Variants in HNF4G observed in about 807,000 individuals in gnomAD.
HNF4G encodes the protein hepatocyte nuclear factor 4-gamma.
HNF4G carries 21 observed loss-of-function variants against 50.9 expected under a neutral mutation model. The ratio of observed to expected loss-of-function variants is 0.41; its 90% CI spans 0.29 to 0.59. HNF4G has a LOEUF of 0.59. HNF4G is among the 20% of genes least tolerant of loss of function. The pLI, the probability that HNF4G is intolerant of heterozygous loss-of-function variation, is 0.26. For synonymous variants in HNF4G, 198 were observed against 185.6 expected, an observed-to-expected ratio of 1.07 and a Z score of -0.54; for missense variants, 527 against 559.4, an observed-to-expected ratio of 0.94 and a Z score of 0.58.
intron 2 of HNF4G, among the ~76,000 whole-genome samples, chr8:75,494,013 G>A (rs868559655): frequency 3.3e-5 from 5 of 152,062 alleles, no homozygotes; most frequent in Admixed American, 1.3e-4. Context: ...TCTCTGAGCA[G>A]CATTGTATTG....
At chr8:75,447,648 A>T (rs1003051848) in intron 1 of HNF4G, among the ~76,000 whole-genome samples, 37 of 152,202 alleles carry the variant, frequency 2.4e-4, no homozygotes, top group African/African-American at 8.7e-4. Context: ...TTCTCAAAAG[A>T]ATACATTTAT....
intron 2 of HNF4G, among the ~76,000 whole-genome samples, chr8:75,500,308 A>G (rs529685703): frequency 2.0e-4 from 31 of 152,292 alleles, no homozygotes; most frequent in African/African-American, 7.5e-4. Context: ...ATGCAATTTA[A>G]AACAATGAGA....
intron 3 of HNF4G, among the ~76,000 whole-genome samples, chr8:75,551,077 T>C (rs1358245541): frequency 1.3e-5 from 2 of 152,182 alleles, no homozygotes; most frequent in African/African-American, 2.4e-5. Flanking sequence ...AGTTATCTTA[T>C]AGTTTTATTA....
chr8:75,414,996 T>G (rs1810598557), intron 1 of HNF4G, among the ~76,000 whole-genome samples: 2 of 152,244 alleles, frequency 1.3e-5, no homozygotes, highest in Non-Finnish European at 2.9e-5. Flanking sequence ...CCAGTAGGGC[T>G]TGAGAGTTTC....
intron 1 of HNF4G, among the ~76,000 whole-genome samples, chr8:75,483,810 A>T (rs1249125708): frequency 2.0e-5 from 3 of 152,204 alleles, no homozygotes; most frequent in African/African-American, 7.2e-5. Flanking sequence ...GGATTAGACA[A>T]GGTGATACCT....
intron 1 of HNF4G, among the ~76,000 whole-genome samples, chr8:75,450,542 A>C (rs1295595025): frequency 2.6e-5 from 4 of 152,222 alleles, no homozygotes; most frequent in Admixed American, 6.5e-5. Context: ...ATACTAATTT[A>C]CATTCTCACC....
At chr8:75,563,898 T>C in intron 9 of HNF4G, 77 bp from the exon 10 acceptor site, 1 of 1,485,422 alleles carries the variant, frequency 6.7e-7, no homozygotes, top group Non-Finnish European at 9.2e-7. Context: ...CTAATGTGTA[T>C]TGGTGTTATG....
In HNF4G at chr8:75,560,382, C is replaced by T. The variant is rs1249966527; in HGVS notation, c.1162C>T (p.His388Tyr). 4 of 1,613,162 alleles carry T rather than the reference C, an allele frequency of 2.5e-6. No individual in the cohort carries two copies. Among genetic ancestry groups the T allele is most frequent in the Non-Finnish European group, 3.4e-6 (4 of 1,179,242 alleles). Residue 388 changes from histidine (H) to tyrosine (Y), a missense_variant, in exon 9 of 10, where the codon CAT (histidine) becomes TAT (tyrosine). Physicochemically the swap from His to Tyr is moderately conservative, Grantham distance 83 (BLOSUM62 2). Around this residue, in one of 5 missense-constraint regions of HNF4G, gnomAD observed 308 missense variants for 301.5 expected, o/e 1.02. Transcript: ENST00000396423. ...NDGSHLHHPM[H>Y]PHLSQDPLTG... ...TGGCAGTCATCTCCATCATCCAATG[C>T]ATCCACATTTGTCTCAAGACCCATT...
chr8:75,435,487 T>A (rs548067866), intron 1 of HNF4G, among the ~76,000 whole-genome samples: 32 of 152,226 alleles, frequency 2.1e-4, no homozygotes, highest in Admixed American at 3.3e-4. Context: ...AGTAAATCAA[T>A]GATGCCTGTT....
intron 1 of HNF4G, among the ~76,000 whole-genome samples, chr8:75,427,358 A>G (rs1007410606): frequency 2.6e-5 from 4 of 152,146 alleles, no homozygotes; most frequent in African/African-American, 9.7e-5. Flanking sequence ...CGGGTGGATC[A>G]CTTGAGGTCA....
At chr8:75,508,514 G>T (rs1423055496) in intron 2 of HNF4G, among the ~76,000 whole-genome samples, 2 of 151,964 alleles carry the variant, frequency 1.3e-5, no homozygotes, top group Non-Finnish European at 2.9e-5. Flanking sequence ...AACTTTCTAG[G>T]TTTAAAATTA....
At chr8:75,563,888 C>A in intron 9 of HNF4G, 87 bp from the exon 10 acceptor site, 1 of 1,402,996 alleles carries the variant, frequency 7.1e-7, no homozygotes. Flanking sequence ...CCAAATTACG[C>A]TAATGTGTAT....
At chr8:75,485,318 C>G (rs1028158093) in intron 1 of HNF4G, among the ~76,000 whole-genome samples, 3 of 152,064 alleles carry the variant, frequency 2.0e-5, no homozygotes, top group Non-Finnish European at 2.9e-5. Context: ...CATCAAATTC[C>G]AAAGAGTTTC....
chr8:75,448,495 A>AC (rs1409413238), intron 1 of HNF4G, among the ~76,000 whole-genome samples: 2 of 150,392 alleles, frequency 1.3e-5, no homozygotes, highest in African/African-American at 2.4e-5. Context: ...TTTAAAAAAA[A>AC]AAAAAAACAA....
intron 9 of HNF4G, among the ~76,000 whole-genome samples, chr8:75,563,521 G>A (rs1807376939): frequency 6.6e-6 from 1 of 151,160 alleles, no homozygotes; most frequent in Non-Finnish European, 1.5e-5. Context: ...AATTTTTTAT[G>A]TCATCTAATA....
intron 5 of HNF4G, 102 bp downstream of exon 5, chr8:75,553,299 T>C: frequency 1.1e-6 from 1 of 924,592 alleles, no homozygotes. Flanking sequence ...TATATTACTG[T>C]ATTTGGCAAA....
Position 75,470,343 on chromosome 8 carries a change from G to A in HNF4G, c.-143-19746G>A, listed in dbSNP as rs78298645. On this transcript the variant is annotated intron_variant, in intron 1 of 10. Coordinates refer to the HNF4G transcript ENST00000354370. ...TATAATCACTGTTCTTGGCTTAAGA[G>A]AATACAGTTAACATTTTGGTACTAT... Among the ~76,000 whole-genome samples the A allele has an allele frequency of 8.5e-3, 1,297 of 152,226 alleles. 59 individuals carry two copies. The East Asian group carries it at 0.15, about 18-fold the overall frequency.
intron 2 of HNF4G, among the ~76,000 whole-genome samples, chr8:75,498,599 A>T (rs1268432833): frequency 1.3e-5 from 2 of 151,940 alleles, no homozygotes; most frequent in Admixed American, 1.3e-4. Flanking sequence ...ATATCAAAAG[A>T]AAAAAAATTG....
In HNF4G at chr8:75,558,567, T is replaced by C. The variant is rs764915613; in HGVS notation, c.783T>C (p.Arg261=). 53 of 1,613,526 alleles carry C rather than the reference T, an allele frequency of 3.3e-5. No individual in the cohort carries two copies. The highest frequency in any genetic ancestry group is 3.8e-5 in the Non-Finnish European group (45 of 1,179,574). Residue 261 remains arginine, a synonymous_variant, in exon 7 of 10, where the codon CGT becomes CGC. Transcript: ENST00000396423. ...HRNSCEVEIS[R]VANRVLDELV... is the part of the protein sequence containing the mutation. ...ACAGCTGTGAAGTTGAGATTAGCCG[T>C]GTGGCCAATCGTGTTCTAGATGAGC...
Sources: gnomAD v4.1 joint callset for allele counts (sites outside exome capture counted in the v4.1 genomes callset) on GRCh38, gnomAD v4.1.1 for gene constraint, gnomAD v4.1.1 regional missense constraint, MANE v1.5 for transcripts, NCBI Gene and HGNC (gene_info 2026-07-23, HGNC 2026-07-21) for gene names.